The following SGCZ variants were observed in gnomAD, a reference collection of about 807,000 sequenced individuals.
SGCZ encodes the protein sarcoglycan zeta.
In SGCZ, 40 loss-of-function variants were observed where a neutral mutation model predicts 41.3. That is an observed-to-expected ratio of 0.97 (90% CI 0.75 to 1.26). SGCZ has a LOEUF of 1.26. Ranked by LOEUF, SGCZ falls within the 50% of genes most tolerant of loss-of-function variation. The pLI, the probability that SGCZ is intolerant of heterozygous loss-of-function variation, is 0.00. For missense variants in SGCZ, 552 were observed against 369.8 expected, an observed-to-expected ratio of 1.49 and a Z score of -4.04; for synonymous variants, 206 against 137.5, an observed-to-expected ratio of 1.50 and a Z score of -3.49.
At chr8:14,594,319 T>A (rs1468094718) in intron 1 of SGCZ, among the ~76,000 whole-genome samples, 1 of 152,046 alleles carries the variant, frequency 6.6e-6, no homozygotes, top group Non-Finnish European at 1.5e-5. Context: ...GGGATGATGT[T>A]GATGCTACTG....
rs561668779 is a variant in SGCZ, at chr8:14,315,823, A to G, written c.336+8280T>C. Among the ~76,000 whole-genome samples the G allele has an allele frequency of 1.6e-4, 25 of 151,532 alleles. No individual in the cohort carries two copies. In the South Asian group the frequency reaches 2.7e-3, roughly 16 times the overall value. On this transcript the variant is annotated intron_variant, in intron 3 of 7. Transcript: ENST00000382080. ...TAAAAATATTTAATTGATTCAAACT[A>G]AAACTGGTTCTAAGTAAAATAAAAA...
At chr8:14,864,245 T>G (rs1803850823) in intron 1 of SGCZ, among the ~76,000 whole-genome samples, 1 of 151,476 alleles carries the variant, frequency 6.6e-6, no homozygotes, top group Non-Finnish European at 1.5e-5. Flanking sequence ...ACATGTTTCC[T>G]ATTTTTTTTC....
At position 14,337,570 on chromosome 8, in the gene SGCZ, T is replaced by C. The variant is rs558837811; in HGVS notation, c.235-13366A>G. 9.2e-5 allele frequency among the ~76,000 whole-genome samples: 14 copies of C among 152,208 alleles called. No homozygotes were observed. The South Asian group carries it at 2.9e-3, about 32-fold the overall frequency. On this transcript the variant is annotated intron_variant, in intron 2 of 7. Coordinates refer to ENST00000382080, the MANE Select transcript of SGCZ (RefSeq NM_139167.4). Reference sequence around the variant, plus strand: ...AAGTGATGACCCAGTTAAGTCAGGTTAAAATACCAGAATTGCTATGGCAGA... The same window carrying C: ...AAGTGATGACCCAGTTAAGTCAGGTCAAAATACCAGAATTGCTATGGCAGA...
intron 3 of SGCZ, among the ~76,000 whole-genome samples, chr8:14,315,770 G>A (rs1453252899): frequency 5.3e-5 from 8 of 150,606 alleles, no homozygotes; most frequent in Non-Finnish European, 1.0e-4. Context: ...ATATAAAAAA[G>A]AAAAGCAGAA....
chr8:14,981,352 T>C (rs770465334), intron 1 of SGCZ, among the ~76,000 whole-genome samples: 1 of 152,228 alleles, frequency 6.6e-6, no homozygotes, highest in Non-Finnish European at 1.5e-5. Flanking sequence ...AGATGCTACC[T>C]AAACACAGTA....
Position 15,237,948 on chromosome 8 carries a change from C to T in SGCZ, c.-325G>A, listed in dbSNP as rs189065987. Reference sequence around the variant, plus strand: ...TCCACTCTATTTAAGATTATTTCTTCTTCTGCAATAAGCTTAGAACCCAGC... The same window carrying T: ...TCCACTCTATTTAAGATTATTTCTTTTTCTGCAATAAGCTTAGAACCCAGC... On this transcript the variant is annotated 5_prime_UTR_variant, in exon 1 of 8. Transcript: ENST00000382080. 7.5e-6 allele frequency: 2 copies of T among 267,514 alleles called. No individual in the cohort carries two copies. Among genetic ancestry groups the T allele is most frequent in the East Asian group, 1.3e-4 (2 of 15,132 alleles). The allele number at this position is 267,514 out of a possible 1,614,324, so 16.6% of individuals were successfully genotyped here. A position where few individuals can be genotyped will look rare whatever the true frequency, so the allele number is the denominator to read the frequency against.
intron 1 of SGCZ, among the ~76,000 whole-genome samples, chr8:14,695,603 G>C (rs1330826989): frequency 1.3e-5 from 2 of 151,962 alleles, no homozygotes; most frequent in South Asian, 4.1e-4. Context: ...CAGCAACATG[G>C]CTAGAGAGTT....
chr8:14,809,110 T>G, intron 1 of SGCZ, among the ~76,000 whole-genome samples: 1 of 150,038 alleles, frequency 6.7e-6, no homozygotes, highest in East Asian at 2.0e-4. Flanking sequence ...GGGATAGCAT[T>G]GGGAGATATA....
chr8:14,575,035 T>G (rs2117241178), intron 1 of SGCZ, among the ~76,000 whole-genome samples: 1 of 152,348 alleles, frequency 6.6e-6, no homozygotes, highest in East Asian at 1.9e-4. Flanking sequence ...TTTCTCAGAA[T>G]ATAGTTATAT....
At chr8:14,968,872 T>C (rs1801202306) in intron 1 of SGCZ, among the ~76,000 whole-genome samples, 1 of 152,152 alleles carries the variant, frequency 6.6e-6, no homozygotes, top group Admixed American at 6.6e-5. Flanking sequence ...AATAAATTAT[T>C]TTAATGACCT....
chr8:14,134,555 G>A (rs1803140234), intron 5 of SGCZ, among the ~76,000 whole-genome samples: 1 of 152,122 alleles, frequency 6.6e-6, no homozygotes, highest in African/African-American at 2.4e-5. Context: ...AAATATTTGA[G>A]TTACTGTATG....
At chr8:14,129,191 C>CAA (rs112090289) in intron 5 of SGCZ, among the ~76,000 whole-genome samples, 4 of 150,588 alleles carry the variant, frequency 2.7e-5, no homozygotes, top group East Asian at 3.9e-4. Context: ...ACTAAAAATA[C>CAA]AAAAAAAAGC....
intron 2 of SGCZ, among the ~76,000 whole-genome samples, chr8:14,349,980 G>C (rs1272559581): frequency 6.6e-6 from 1 of 151,964 alleles, no homozygotes; most frequent in African/African-American, 2.4e-5. Flanking sequence ...AAATTTACTG[G>C]CAAATTAAAT....
chr8:14,242,762 A>C (rs1798937842), intron 3 of SGCZ, among the ~76,000 whole-genome samples: 1 of 152,172 alleles, frequency 6.6e-6, no homozygotes, highest in African/African-American at 2.4e-5. Context: ...GTAACAAGCC[A>C]TGTTGGAACT....
chr8:14,190,494 G>T (rs6530729), intron 4 of SGCZ, among the ~76,000 whole-genome samples: 2 of 151,924 alleles, frequency 1.3e-5, no homozygotes, highest in Admixed American at 1.3e-4. Context: ...GTGAATACTG[G>T]TGCAATGGAC....
At chr8:15,056,566 T>C (rs772080895) in intron 1 of SGCZ, among the ~76,000 whole-genome samples, 6 of 151,686 alleles carry the variant, frequency 4.0e-5, no homozygotes, top group Non-Finnish European at 8.8e-5. Context: ...ACATTAGAAA[T>C]GATAGTGTCT....
At chr8:14,522,909 T>A (rs570393631) in intron 2 of SGCZ, among the ~76,000 whole-genome samples, 161 of 151,944 alleles carry the variant, frequency 1.1e-3, no homozygotes, top group Non-Finnish European at 1.9e-3. Context: ...AAATATTTTA[T>A]GTTGTCTTTT....
chr8:14,800,903 C>A (rs1263754220), intron 1 of SGCZ, among the ~76,000 whole-genome samples: 1 of 110,882 alleles, frequency 9.0e-6, no homozygotes, highest in African/African-American at 3.3e-5. Flanking sequence ...AAACAAAAAA[C>A]ATCAGAAAAA....
chr8:14,232,672 T>C (rs1806614651), intron 4 of SGCZ, among the ~76,000 whole-genome samples: 1 of 152,020 alleles, frequency 6.6e-6, no homozygotes, highest in African/African-American at 2.4e-5. Context: ...TACATATGTA[T>C]ACATGTGCCA....
Sources: allele counts gnomAD v4.1 joint callset (sites outside exome capture counted in the v4.1 genomes callset), GRCh38; gene constraint gnomAD v4.1.1; transcripts MANE v1.5; gene names NCBI Gene and HGNC (gene_info 2026-07-23, HGNC 2026-07-21).